The following WDR88 variants were observed in gnomAD, a reference collection of about 807,000 sequenced individuals.
The protein encoded by WDR88 is WD repeat domain 88.
In WDR88, 40 loss-of-function variants were observed where a neutral mutation model predicts 46.8. The observed-to-expected ratio is 0.86, with a 90% CI of 0.66 to 1.11. The LOEUF (loss-of-function observed/expected upper bound fraction) is 1.11, where lower values mean the gene tolerates loss of function less well. Among genes scored for constraint, WDR88 ranks in the 50% most tolerant of loss-of-function variants. The probability of loss-of-function intolerance (pLI) is 0.00; values close to 1 mark genes in which losing one functional copy is unlikely to be tolerated. For synonymous variants in WDR88, 235 were observed against 240.7 expected (o/e 0.98, Z 0.22); for missense variants, 562 against 602.4 (o/e 0.93, Z 0.70).
At chr19:33,157,102 T>G (rs1973749780) in intron 7 of WDR88, among the ~76,000 whole-genome samples, 2 of 151,370 alleles carry the variant, frequency 1.3e-5, no homozygotes, top group South Asian at 4.2e-4. Flanking sequence ...GAGGCTGAGG[T>G]GGGAGGATCA....
At chr19:33,154,187 GTATTTATT>G (rs1261551914) in intron 6 of WDR88, among the ~76,000 whole-genome samples, 4 of 151,184 alleles carry the variant, frequency 2.6e-5, no homozygotes, top group Admixed American at 1.3e-4. Context: ...ATTTATTTAT[GTATTTATT>G]TATTTAGAAA....
At chr19:33,147,985 T>A (rs1973554658) in intron 4 of WDR88, among the ~76,000 whole-genome samples, 1 of 151,490 alleles carries the variant, frequency 6.6e-6, no homozygotes, top group African/African-American at 2.4e-5. Flanking sequence ...ATGGGATGGG[T>A]TTGGATACAC....
chr19:33,147,708 G>C lies in WDR88; in HGVS notation c.540G>C (p.Leu180=). The C allele has an allele frequency of 6.2e-7, 1 of 1,613,846 alleles. No homozygotes were observed. The highest frequency in any genetic ancestry group is 8.5e-7 in the Non-Finnish European group (1 of 1,179,832). Residue 180 remains leucine, a splice_region_variant and synonymous_variant, in exon 4 of 11, where the codon CTG becomes CTC. Transcript: ENST00000355868. ...RAWDLETGKL[L]WKVRYDTFIV... ...GGGACCTGGAGACAGGCAAGCTGCT[G>C]GTACGTATGCCTGTCCAGTGGGGGC...
At chr19:33,158,001 G>A (rs1472950812) in intron 7 of WDR88, among the ~76,000 whole-genome samples, 2 of 152,038 alleles carry the variant, frequency 1.3e-5, no homozygotes, top group Non-Finnish European at 2.9e-5. Context: ...GAGGGACTAA[G>A]AGTAGGCAAG....
At chr19:33,164,600 G>A (rs930711776) in intron 9 of WDR88, among the ~76,000 whole-genome samples, 10 of 151,990 alleles carry the variant, frequency 6.6e-5, no homozygotes, top group African/African-American at 2.4e-4. Flanking sequence ...CCCAAGGTCC[G>A]GGGGGGTCTC....
intron 7 of WDR88, among the ~76,000 whole-genome samples, chr19:33,157,541 G>GTA (rs201858607): frequency 3.2e-5 from 4 of 126,616 alleles, no homozygotes; most frequent in Middle Eastern, 3.8e-3. Flanking sequence ...ATATATATAT[G>GTA]TATATATATG....
In WDR88 at chr19:33,135,281, A is replaced by G. The variant is rs1599876626; in HGVS notation, c.277-2396A>G. ...TCTATTCTAGACCTTTTATAGCGAT[A>G]GAATCAAGCCATACGTGGTCTCTTG... On this transcript the variant is annotated intron_variant, in intron 1 of 10. Coordinates refer to ENST00000355868, the MANE Select transcript of WDR88 (RefSeq NM_173479.4). Among the ~76,000 whole-genome samples the G allele has an allele frequency of 5.3e-5, 8 of 152,344 alleles. 3 individuals are homozygous for G. Among genetic ancestry groups the G allele is most frequent in the Admixed American group, 5.2e-4 (8 of 15,290 alleles).
At chr19:33,151,352 G>T in intron 6 of WDR88, 42 bp downstream of exon 6, 1 of 1,597,426 alleles carries the variant, frequency 6.3e-7, no homozygotes. Context: ...TTTGGGTGGG[G>T]CGTCCCCATT....
chr19:33,160,870 C>T (rs977259002), intron 8 of WDR88, among the ~76,000 whole-genome samples: 2 of 152,050 alleles, frequency 1.3e-5, no homozygotes, highest in African/African-American at 4.8e-5. Flanking sequence ...TGTCTAAGAA[C>T]AGCAGAAGTT....
intron 3 of WDR88, 150 bp from the exon 4 acceptor site, chr19:33,147,495 C>T (rs1973542647): frequency 1.6e-6 from 1 of 634,032 alleles, no homozygotes. Context: ...CTCAGCTACT[C>T]AGGAGGCTGT....
At chr19:33,166,923 TA>T (rs898790722) in intron 9 of WDR88, among the ~76,000 whole-genome samples, 21 of 152,242 alleles carry the variant, frequency 1.4e-4, no homozygotes, top group Middle Eastern at 3.4e-3. Context: ...CTCCAATAAA[TA>T]AATAATAAAT....
rs1973570811 is a variant in WDR88 at position 33,148,762 on chromosome 19, C to T, written c.541-10C>T. On this transcript the variant is annotated splice_polypyrimidine_tract_variant and intron_variant, in intron 4 of 10. Transcript: ENST00000355868. ...CTTAAAACAACCTTTTGATTGCTGG[C>T]TCATTTCAGTGGAAGGTCAGGTATG... 3 of 1,614,054 alleles carry T rather than the reference C, an allele frequency of 1.9e-6. No homozygotes were observed. The highest frequency in any genetic ancestry group is 3.3e-4 in the Middle Eastern group (2 of 6,062).
intron 8 of WDR88, among the ~76,000 whole-genome samples, chr19:33,162,223 G>A (rs561609406): frequency 1.3e-5 from 2 of 151,478 alleles, no homozygotes; most frequent in African/African-American, 2.4e-5. Context: ...TTTTTGAGAC[G>A]GGAGTCTCGC....
intron 10 of WDR88, among the ~76,000 whole-genome samples, chr19:33,173,531 C>T (rs1482251208): frequency 6.6e-6 from 1 of 152,252 alleles, no homozygotes; most frequent in Non-Finnish European, 1.5e-5. Context: ...TAAGTCCTTC[C>T]CTGGGAATCC....
intron 8 of WDR88, among the ~76,000 whole-genome samples, chr19:33,163,641 C>CTTTTTT (rs557195235): frequency 7.1e-6 from 1 of 140,024 alleles, no homozygotes; most frequent in African/African-American, 2.6e-5. Flanking sequence ...CTGCTCTTTC[C>CTTTTTT]TTTTTTTTTT....
intron 1 of WDR88, among the ~76,000 whole-genome samples, chr19:33,133,738 C>T (rs550663197): frequency 1.3e-5 from 2 of 152,196 alleles, no homozygotes; most frequent in Non-Finnish European, 2.9e-5. Context: ...ATGTTCTCCT[C>T]CCCCATCCCC....
At position 33,166,540 on chromosome 19, in the gene WDR88, C is replaced by T. The variant is rs529855952; in HGVS notation, c.1149+2275C>T. On this transcript the variant is annotated intron_variant, in intron 9 of 10. Transcript: ENST00000355868. ...TGAGCTTAGGAGGTTGAGGCTGCAG[C>T]GGGCTGTGATCATGCCATTATACTC... Among the ~76,000 whole-genome samples the T allele has an allele frequency of 8.6e-5, 13 of 150,446 alleles. No individual in the cohort carries two copies. The East Asian group carries it at 1.6e-3, about 18-fold the overall frequency.
intron 1 of WDR88, among the ~76,000 whole-genome samples, chr19:33,137,401 C>T (rs1973291886): frequency 6.6e-6 from 1 of 151,408 alleles, no homozygotes; most frequent in South Asian, 2.1e-4. Context: ...TATAGGCATG[C>T]GCCACCATGC....
chr19:33,159,373 A>T (rs947497497), intron 7 of WDR88, among the ~76,000 whole-genome samples: 1 of 150,872 alleles, frequency 6.6e-6, no homozygotes, highest in Non-Finnish European at 1.5e-5. Flanking sequence ...TAAATAAATA[A>T]ATAAATAAAT....
Sources: gnomAD v4.1 joint callset for allele counts (sites outside exome capture counted in the v4.1 genomes callset) on GRCh38, gnomAD v4.1.1 for gene constraint, MANE v1.5 for transcripts, NCBI Gene and HGNC (gene_info 2026-07-23, HGNC 2026-07-21) for gene names.